Variants in UBXN4 observed in about 807,000 individuals in gnomAD.
The protein encoded by UBXN4 is UBX domain protein 4, also known as UBX domain-containing protein 4.
Under a neutral mutation model 66.2 loss-of-function variants are expected in UBXN4, and 35 were observed. The observed-to-expected ratio is 0.53, with a 90% CI of 0.40 to 0.70. UBXN4 has a LOEUF of 0.70. Among genes scored for constraint, UBXN4 ranks in the 30% least tolerant of loss-of-function variants. The probability of loss-of-function intolerance (pLI) is 0.00; values close to 1 mark genes in which losing one functional copy is unlikely to be tolerated. For synonymous variants in UBXN4, 203 were observed against 204.5 expected (o/e 0.99, Z 0.06); for missense variants, 533 against 599.8 (o/e 0.89, Z 1.16).
intron 10 of UBXN4, among the ~76,000 whole-genome samples, chr2:135,777,439 CT>C (rs2105508733): frequency 1.3e-5 from 2 of 152,306 alleles, no homozygotes; most frequent in South Asian, 4.1e-4. Flanking sequence ...CTGTTTCCCC[CT>C]AAGCTTTATA....
intron 1 of UBXN4, chr2:135,747,714 A>G (rs1355106299): frequency 1.8e-5 from 8 of 456,044 alleles, no homozygotes; most frequent in Non-Finnish European, 2.6e-5. Context: ...CGCTCACTGC[A>G]ACTTCCACCT....
chr2:135,750,146 A>AT (rs1173410471), intron 2 of UBXN4, among the ~76,000 whole-genome samples: 1 of 151,940 alleles, frequency 6.6e-6, no homozygotes, highest in East Asian at 1.9e-4. Context: ...ATTATTATTT[A>AT]TTTTTTTCTT....
chr2:135,772,579 C>G (rs1388608013), intron 9 of UBXN4, 32 bp downstream of exon 9: 2 of 1,610,206 alleles, frequency 1.2e-6, no homozygotes, highest in East Asian at 2.2e-5. Context: ...CATCTCTGTG[C>G]ACATAGGGGC....
chr2:135,753,456 G>A, intron 2 of UBXN4, 83 bp from the exon 3 acceptor site: 2 of 1,239,176 alleles, frequency 1.6e-6, no homozygotes, highest in Non-Finnish European at 2.2e-6. Context: ...CTTGTGATTG[G>A]TACAGTAAAT....
chr2:135,778,895 G>T, intron 10 of UBXN4, 53 bp from the exon 11 acceptor site: 1 of 1,529,968 alleles, frequency 6.5e-7, no homozygotes, highest in South Asian at 1.3e-5. Flanking sequence ...ATTCATCTGA[G>T]TAATATCTTA....
At chr2:135,780,429 GC>G (rs780578884) in intron 12 of UBXN4, 44 bp downstream of exon 12, 1 of 1,577,310 alleles carries the variant, frequency 6.3e-7, no homozygotes, top group East Asian at 2.2e-5. Flanking sequence ...TGTAAGTCAT[GC>G]CCAGTATCTT....
At position 135,745,874 on chromosome 2, in the gene UBXN4, A is replaced by ATTTTTTTTT. The variant is rs1491420549; in HGVS notation, c.83-2393_83-2392insTTTTTTTTT. Among the ~76,000 whole-genome samples, 84 of 13,802 alleles carry ATTTTTTTTT rather than the reference A, an allele frequency of 6.1e-3. 1 individual carries two copies. Among genetic ancestry groups the ATTTTTTTTT allele is most frequent in the Non-Finnish European group, 0.011 (49 of 4,450 alleles). The allele number at this position is 13,802 out of a possible 152,430, so 9.1% of individuals were successfully genotyped here. ...CTGTGGATGCATTCTAGTCCCGTTT[A>ATTTTTTTTT]CTTTTTTTTTTTTTTTTTTTTTGAG... On this transcript the variant is annotated intron_variant, in intron 1 of 12. Coordinates refer to ENST00000272638, the MANE Select transcript of UBXN4 (RefSeq NM_014607.4).
intron 5 of UBXN4, among the ~76,000 whole-genome samples, chr2:135,757,820 C>T (rs1352661396): frequency 6.7e-6 from 1 of 150,038 alleles, no homozygotes; most frequent in Non-Finnish European, 1.5e-5. Flanking sequence ...TGGTTGTTCA[C>T]ACCTATAATC....
At chr2:135,761,713 C>T in intron 5 of UBXN4, 105 bp from the exon 6 acceptor site, 2 of 978,834 alleles carry the variant, frequency 2.0e-6, no homozygotes, top group Non-Finnish European at 2.9e-6. Context: ...ATATATAATG[C>T]TTAAGATATA....
At chr2:135,743,595 A>G (rs1024583415) in intron 1 of UBXN4, among the ~76,000 whole-genome samples, 4 of 152,334 alleles carry the variant, frequency 2.6e-5, no homozygotes, top group African/African-American at 9.6e-5. Flanking sequence ...AGCTTCAAAA[A>G]AACTGGCTTT....
At chr2:135,754,947 C>G (rs899947561) in intron 4 of UBXN4, among the ~76,000 whole-genome samples, 1 of 151,980 alleles carries the variant, frequency 6.6e-6, no homozygotes, top group African/African-American at 2.4e-5. Context: ...CCATGCCCAG[C>G]TAATTTTTGC....
intron 8 of UBXN4, among the ~76,000 whole-genome samples, 153 bp downstream of exon 8, chr2:135,770,888 AAT>A (rs936680192): frequency 6.6e-6 from 1 of 152,220 alleles, no homozygotes; most frequent in African/African-American, 2.4e-5. Flanking sequence ...AATGAATTAA[AAT>A]AGTTAAGATT....
At chr2:135,769,926 G>A in intron 7 of UBXN4, 103 bp downstream of exon 7, 1 of 906,654 alleles carries the variant, frequency 1.1e-6, no homozygotes, top group Non-Finnish European at 1.6e-6. Flanking sequence ...CATAGTTTTA[G>A]TTCAGTGTTG....
At chr2:135,742,034 A>G (rs1559535594) in intron 1 of UBXN4, 23 bp downstream of exon 1, 1 of 1,610,122 alleles carries the variant, frequency 6.2e-7, no homozygotes, top group Admixed American at 1.7e-5. Context: ...GGGGTTCGAG[A>G]GGCGGCCGGG....
chr2:135,766,796 A>G lies in UBXN4; in HGVS notation c.603-2973A>G, dbSNP rs189343357. Among the ~76,000 whole-genome samples the G allele has an allele frequency of 1.9e-3, 291 of 152,236 alleles. 2 individuals carry two copies. Among genetic ancestry groups the G allele is most frequent in the African/African-American group, 6.4e-3 (266 of 41,524 alleles). Reference sequence around the variant, plus strand: ...TCATTTTCTAATATATAAGTTGTCTATGGGGTGATTCAAATGGTAAATATC... The same window carrying G: ...TCATTTTCTAATATATAAGTTGTCTGTGGGGTGATTCAAATGGTAAATATC... On this transcript the variant is annotated intron_variant, in intron 6 of 12. Coordinates refer to ENST00000272638, the MANE Select transcript of UBXN4 (RefSeq NM_014607.4).
intron 1 of UBXN4, among the ~76,000 whole-genome samples, chr2:135,744,135 C>T (rs1415654293): frequency 1.3e-5 from 2 of 152,184 alleles, no homozygotes; most frequent in Non-Finnish European, 2.9e-5. Context: ...TTAGAGCTTT[C>T]TTCATAACTC....
rs578158108 is a variant in UBXN4, at chr2:135,777,776, G to A, written c.1054-1172G>A. Among the ~76,000 whole-genome samples, 163 of 151,830 alleles carry A rather than the reference G, an allele frequency of 1.1e-3. 1 individual carries two copies. Among genetic ancestry groups the A allele is most frequent in the African/African-American group, 3.8e-3 (157 of 41,388 alleles). On this transcript the variant is annotated intron_variant, in intron 10 of 12. Coordinates refer to ENST00000272638, the MANE Select transcript of UBXN4 (RefSeq NM_014607.4). ...TGGGCGCCTGTAATCCCAGCTTCTC[G>A]GGAGGCTGAGGCAGGAGAATCGCTT...
intron 2 of UBXN4, 38 bp from the exon 3 acceptor site, chr2:135,753,501 G>T: frequency 6.6e-7 from 1 of 1,504,040 alleles, no homozygotes; most frequent in South Asian, 1.4e-5. Flanking sequence ...GAAAATACTT[G>T]CATTCATCTA....
In UBXN4 at chr2:135,772,587, G is replaced by A. The variant is rs78878675; in HGVS notation, c.950+40G>A. 7.1e-3 allele frequency: 11,466 copies of A among 1,607,958 alleles called. 728 individuals are homozygous for A. The East Asian group carries it at 0.17, about 23-fold the overall frequency. On this transcript the variant is annotated intron_variant, in intron 9 of 12. Transcript: ENST00000272638. Reference sequence around the variant, plus strand: ...GCTGAAACATCTCTGTGCACATAGGGGCTGAGGAGAATGATTATAAGCTGG... The same window carrying A: ...GCTGAAACATCTCTGTGCACATAGGAGCTGAGGAGAATGATTATAAGCTGG...
Sources: allele counts gnomAD v4.1 joint callset (sites outside exome capture counted in the v4.1 genomes callset), GRCh38; gene constraint gnomAD v4.1.1; transcripts MANE v1.5; gene names NCBI Gene and HGNC (gene_info 2026-07-23, HGNC 2026-07-21).